ERG: variants seen among roughly 807,000 people sequenced by gnomAD.
The protein encoded by ERG is ETS transcription factor ERG.
A neutral mutation model predicts 55.3 loss-of-function variants in ERG; 9 were observed. The ratio of observed to expected loss-of-function variants is 0.16; its 90% CI spans 0.10 to 0.28. ERG has a LOEUF of 0.28. Among genes scored for constraint, ERG ranks in the 10% least tolerant of loss-of-function variants. The probability of loss-of-function intolerance (pLI) is 1.00; values close to 1 mark genes in which losing one functional copy is unlikely to be tolerated. For synonymous variants in ERG, 223 were observed against 237.3 expected, an observed-to-expected ratio of 0.94 and a Z score of 0.55; for missense variants, 434 against 631.6, an observed-to-expected ratio of 0.69 and a Z score of 3.35.
At chr21:38,585,529 C>CTTTTTTTTTTTTTTTTTT (rs1568931635), upstream of ERG, among the ~76,000 whole-genome samples, 1 of 22,682 alleles carries the variant, frequency 4.4e-5, no homozygotes, top group Non-Finnish European at 1.1e-4. Context: ...CCCTCTCTCT[C>CTTTTTTTTTTTTTTTTTT]TTCTTTTTTT....
chr21:38,434,720 C>T (rs891737136), intron 2 of ERG, among the ~76,000 whole-genome samples: 1 of 152,180 alleles, frequency 6.6e-6, no homozygotes, highest in African/African-American at 2.4e-5. Flanking sequence ...TGAATGGATG[C>T]TTTCTTGAGG....
chr21:38,538,148 G>T (rs905419699), intron 2 of ERG, among the ~76,000 whole-genome samples: 1 of 152,146 alleles, frequency 6.6e-6, no homozygotes, highest in Non-Finnish European at 1.5e-5. Context: ...AAAGTAAAAT[G>T]ATGGTTTCCA....
chr21:38,564,365 A>G (rs2146841183), intron 2 of ERG, among the ~76,000 whole-genome samples: 1 of 152,320 alleles, frequency 6.6e-6, no homozygotes, highest in East Asian at 1.9e-4. Context: ...TGATGTGATC[A>G]AAGAAAAATG....
rs1989193478 is a variant in ERG, at chr21:38,414,453, C to A, written c.388+8957G>T. On this transcript the variant is annotated intron_variant, in intron 3 of 9. Transcript: ENST00000288319. ...GTAACAGGCAGCTGTTTCTGCCAGTCTATATCTTGAGTCCCCAGGGCACTC... is the reference window on the plus strand; with the variant it reads ...GTAACAGGCAGCTGTTTCTGCCAGTATATATCTTGAGTCCCCAGGGCACTC... Among the ~76,000 whole-genome samples the A allele has an allele frequency of 2.0e-5, 3 of 152,206 alleles. No homozygotes were observed. In the South Asian group the frequency reaches 6.2e-4, roughly 32 times the overall value.
chr21:38,639,089 A>C (rs910759627), intron 1 of ERG, among the ~76,000 whole-genome samples: 2 of 152,190 alleles, frequency 1.3e-5, no homozygotes, highest in African/African-American at 4.8e-5. Context: ...CTCCCCCAGG[A>C]GATGCTGACC....
chr21:38,442,191 C>T (rs1337057620), intron 2 of ERG, among the ~76,000 whole-genome samples: 3 of 152,066 alleles, frequency 2.0e-5, no homozygotes, highest in African/African-American at 2.4e-5. Flanking sequence ...GGATTGAGTT[C>T]GAGACCAGCC....
intron 1 of ERG, among the ~76,000 whole-genome samples, chr21:38,650,134 A>T (rs576886356): frequency 6.6e-6 from 1 of 152,296 alleles, no homozygotes; most frequent in South Asian, 2.1e-4. Flanking sequence ...GGGAAAAATA[A>T]ACCAAAATAA....
chr21:38,623,451 C>T (rs979638484), intron 1 of ERG, among the ~76,000 whole-genome samples: 1 of 152,170 alleles, frequency 6.6e-6, no homozygotes, highest in African/African-American at 2.4e-5. Flanking sequence ...AAACATGGAG[C>T]AGACTGGCCA....
chr21:38,374,186 A>G, the ERG span, among the ~76,000 whole-genome samples: 1 of 152,278 alleles, frequency 6.6e-6, no homozygotes, highest in East Asian at 1.9e-4. Flanking sequence ...TCTTCATACC[A>G]CAGGCTGTGG....
At position 38,383,343 on chromosome 21, in the gene ERG, TAG is replaced by T; in HGVS notation, c.*58_*59del. ...GGCACTTTTGATTCATGTTCTCCGATAGAGTTTGTGGCGATGGGCTGGTGAAT... is the reference window on the plus strand; with the variant it reads ...GGCACTTTTGATTCATGTTCTCCGATAGTTTGTGGCGATGGGCTGGTGAAT... On this transcript the variant is annotated 3_prime_UTR_variant, in exon 10 of 10. Transcript: ENST00000288319. The surrounding 1 kb of genome is among the most constrained non-coding windows in gnomAD (Gnocchi z 5.7). The T allele has an allele frequency of 1.4e-6, 2 of 1,416,184 alleles. No homozygotes were observed. Among genetic ancestry groups the T allele is most frequent in the Non-Finnish European group, 1.9e-6 (2 of 1,079,970 alleles). The allele number at this position is 1,416,184 out of a possible 1,614,324, so 87.7% of individuals were successfully genotyped here.
intron 1 of ERG, among the ~76,000 whole-genome samples, chr21:38,580,991 C>T (rs986402134): frequency 1.3e-5 from 2 of 152,206 alleles, no homozygotes; most frequent in Non-Finnish European, 2.9e-5. Context: ...ATCCACATGG[C>T]CACACTCCAT....
chr21:38,414,611 T>C (rs1339877398), intron 3 of ERG, among the ~76,000 whole-genome samples: 2 of 152,198 alleles, frequency 1.3e-5, no homozygotes, highest in East Asian at 3.8e-4. Flanking sequence ...ATCATCCATA[T>C]TTTGGTGATG....
chr21:38,594,327 T>C (rs1165192312), intron 1 of ERG, among the ~76,000 whole-genome samples: 2 of 152,158 alleles, frequency 1.3e-5, no homozygotes, highest in Non-Finnish European at 2.9e-5. Flanking sequence ...GCCACAAACA[T>C]GCTTCCCCGA....
intron 2 of ERG, among the ~76,000 whole-genome samples, chr21:38,506,815 C>T (rs1056841844): frequency 6.6e-6 from 1 of 152,000 alleles, no homozygotes; most frequent in East Asian, 1.9e-4. Flanking sequence ...AGGCTCTGAC[C>T]GACATCTGAA....
intron 1 of ERG, among the ~76,000 whole-genome samples, chr21:38,577,240 C>T (rs528254453): frequency 3.9e-5 from 6 of 152,278 alleles, no homozygotes; most frequent in East Asian, 1.9e-4. Flanking sequence ...TGACCTCTCA[C>T]GGTACAGGCA....
intron 1 of ERG, among the ~76,000 whole-genome samples, chr21:38,576,253 G>A (rs1233434159): frequency 6.6e-6 from 1 of 152,168 alleles, no homozygotes; most frequent in African/African-American, 2.4e-5. Context: ...AGCGCTAAGG[G>A]CTCCACACAC....
intron 2 of ERG, among the ~76,000 whole-genome samples, chr21:38,511,912 C>T (rs2059514759): frequency 6.6e-6 from 1 of 152,174 alleles, no homozygotes; most frequent in Admixed American, 6.5e-5. Context: ...TTAGACATGG[C>T]CAACTGTCCC....
intron 6 of ERG, among the ~76,000 whole-genome samples, chr21:38,396,979 G>T (rs1352905119): frequency 6.6e-6 from 1 of 152,142 alleles, no homozygotes; most frequent in Non-Finnish European, 1.5e-5. Flanking sequence ...CCTATGGGTT[G>T]ATACTTTATG....
intron 2 of ERG, among the ~76,000 whole-genome samples, chr21:38,438,350 G>A (rs2058809978): frequency 6.6e-6 from 1 of 152,114 alleles, no homozygotes; most frequent in Non-Finnish European, 1.5e-5. Flanking sequence ...AACTTAGTGA[G>A]GCAAAACTTT....
Sources: gnomAD v4.1 joint callset for allele counts (sites outside exome capture counted in the v4.1 genomes callset) on GRCh38, gnomAD v4.1.1 for gene constraint, Gnocchi (gnomAD v3.1) non-coding constraint, MANE v1.5 for transcripts, NCBI Gene and HGNC (gene_info 2026-07-23, HGNC 2026-07-21) for gene names.